Variants in GRIK2 observed in about 807,000 individuals in gnomAD.
GRIK2 encodes glutamate ionotropic receptor kainate type subunit 2, also known as glutamate receptor ionotropic, kainate 2.
Under a neutral mutation model 100.3 loss-of-function variants are expected in GRIK2, and 32 were observed. That is an observed-to-expected ratio of 0.32 (90% CI 0.24 to 0.43). The LOEUF (loss-of-function observed/expected upper bound fraction) is 0.43, where lower values mean the gene tolerates loss of function less well. Among genes scored for constraint, GRIK2 ranks in the 20% least tolerant of loss-of-function variants. GRIK2 has a pLI of 1.00. For synonymous variants in GRIK2, 417 were observed against 389.4 expected, an observed-to-expected ratio of 1.07 and a Z score of -0.83; for missense variants, 843 against 1,114.9, an observed-to-expected ratio of 0.76 and a Z score of 3.47.
chr6:101,833,662 C>A (rs1055123532), intron 10 of GRIK2, among the ~76,000 whole-genome samples: 1 of 151,876 alleles, frequency 6.6e-6, no homozygotes, highest in Non-Finnish European at 1.5e-5. Context: ...TTGTCATTAA[C>A]TTTCAAATTG....
At position 102,053,763 on chromosome 6, in the gene GRIK2, A is replaced by G. The variant is rs140615445; in HGVS notation, c.2312-1567A>G. The stretch of plus-strand genomic sequence containing the variant: ...GATTGGACAGACAGACAGATAATAG[A>G]TAGCCTCCATACAAAAAAGCTTGTA... On this transcript the variant is annotated intron_variant, in intron 15 of 16. Transcript: ENST00000369134. Among the ~76,000 whole-genome samples the G allele has an allele frequency of 7.2e-3, 1,089 of 152,270 alleles. 14 individuals carry two copies. Among genetic ancestry groups the G allele is most frequent in the African/African-American group, 0.025 (1,032 of 41,570 alleles).
chr6:101,701,735 TACTC>T (rs534641738), intron 7 of GRIK2, among the ~76,000 whole-genome samples: 4 of 152,106 alleles, frequency 2.6e-5, no homozygotes, highest in African/African-American at 4.8e-5. Flanking sequence ...ATATAGATAT[TACTC>T]ACTTTTAAAA....
At chr6:101,988,463 G>A (rs192612983) in intron 14 of GRIK2, among the ~76,000 whole-genome samples, 1 of 151,896 alleles carries the variant, frequency 6.6e-6, no homozygotes, top group Admixed American at 6.6e-5. Context: ...GCACAATACA[G>A]TGACAAAGAA....
intron 11 of GRIK2, among the ~76,000 whole-genome samples, chr6:101,865,898 G>GA (rs1158376485): frequency 1.7e-3 from 160 of 95,624 alleles, no homozygotes; most frequent in Middle Eastern, 6.3e-3. Flanking sequence ...CAAAAAAAAA[G>GA]AAAAAAAAAA....
At chr6:101,999,603 T>C (rs1356672675) in intron 14 of GRIK2, among the ~76,000 whole-genome samples, 3 of 152,108 alleles carry the variant, frequency 2.0e-5, no homozygotes, top group Non-Finnish European at 4.4e-5. Flanking sequence ...GATTTTTCTT[T>C]TTTTTGTAGA....
chr6:101,707,594 G>GTGTATATATATATATATATATA (rs1491149804), intron 7 of GRIK2, among the ~76,000 whole-genome samples: 1 of 106,140 alleles, frequency 9.4e-6, no homozygotes, highest in African/African-American at 3.8e-5. Context: ...GTGTGTGTGT[G>GTGTATATATATATATATATATA]TATATATGTG....
chr6:101,603,546 C>A (rs143761800), intron 2 of GRIK2, among the ~76,000 whole-genome samples: 1 of 151,616 alleles, frequency 6.6e-6, no homozygotes, highest in East Asian at 1.9e-4. Context: ...GGCTACTCTC[C>A]GCAAAGTCTG....
intron 2 of GRIK2, among the ~76,000 whole-genome samples, chr6:101,479,883 G>GT (rs772451833): frequency 2.0e-5 from 3 of 151,980 alleles, no homozygotes; most frequent in East Asian, 3.9e-4. Context: ...CTGTTTTAAG[G>GT]TTTTTTATTT....
intron 7 of GRIK2, among the ~76,000 whole-genome samples, chr6:101,732,152 T>A (rs1775314659): frequency 6.6e-6 from 1 of 151,978 alleles, no homozygotes; most frequent in South Asian, 2.1e-4. Flanking sequence ...TATATTTTGG[T>A]TATTCCTTTT....
At chr6:101,949,811 A>C (rs531335660) in intron 14 of GRIK2, among the ~76,000 whole-genome samples, 2 of 152,326 alleles carry the variant, frequency 1.3e-5, no homozygotes, top group South Asian at 4.1e-4. Context: ...GCTGCAATAA[A>C]CATGAGTGTA....
chr6:101,568,612 T>C (rs1025310580), intron 2 of GRIK2, among the ~76,000 whole-genome samples: 5 of 152,094 alleles, frequency 3.3e-5, no homozygotes, highest in African/African-American at 1.2e-4. Context: ...AATTTGAAGA[T>C]GTAAATGATG....
intron 7 of GRIK2, among the ~76,000 whole-genome samples, chr6:101,782,839 G>T (rs1583139115): frequency 6.9e-6 from 1 of 145,772 alleles, no homozygotes; most frequent in Non-Finnish European, 1.5e-5. Context: ...GTTTAGCTTT[G>T]TGTCCCCACT....
At chr6:101,509,722 AG>A (rs1380829925) in intron 2 of GRIK2, among the ~76,000 whole-genome samples, 1 of 152,180 alleles carries the variant, frequency 6.6e-6, no homozygotes, top group East Asian at 1.9e-4. Context: ...CAAAACATCA[AG>A]GGTATTCATA....
intron 14 of GRIK2, among the ~76,000 whole-genome samples, chr6:101,995,835 C>CTTAA (rs754170040): frequency 7.6e-4 from 116 of 151,886 alleles, no homozygotes; most frequent in Admixed American, 1.6e-3. Flanking sequence ...CATACCTATT[C>CTTAA]ACAAAATTGT....
intron 7 of GRIK2, among the ~76,000 whole-genome samples, chr6:101,749,556 C>G (rs145190534): frequency 1.5e-3 from 228 of 152,128 alleles, no homozygotes; most frequent in Admixed American, 4.8e-3. Context: ...ATGTGCGTTT[C>G]CTTCCTAAAA....
intron 7 of GRIK2, among the ~76,000 whole-genome samples, chr6:101,788,846 A>G (rs1339193036): frequency 1.3e-5 from 2 of 151,944 alleles, no homozygotes; most frequent in African/African-American, 2.4e-5. Flanking sequence ...AAGTGTTCCT[A>G]TTTCTCCACA....
At chr6:101,803,857 G>T (rs1345192045) in intron 9 of GRIK2, among the ~76,000 whole-genome samples, 1 of 151,792 alleles carries the variant, frequency 6.6e-6, no homozygotes, top group African/African-American at 2.4e-5. Context: ...TGAATATAAT[G>T]GTTATCAAGT....
At chr6:101,487,915 A>G (rs1772912675) in intron 2 of GRIK2, among the ~76,000 whole-genome samples, 1 of 146,402 alleles carries the variant, frequency 6.8e-6, no homozygotes, top group African/African-American at 2.6e-5. Flanking sequence ...TTATTTTATT[A>G]GCAGAAAAAA....
chr6:101,837,079 A>G (rs984157887), intron 10 of GRIK2, among the ~76,000 whole-genome samples: 4 of 152,148 alleles, frequency 2.6e-5, no homozygotes, highest in Non-Finnish European at 5.9e-5. Context: ...TTAACATGGT[A>G]ATTTCCTTTC....
Sources: gnomAD v4.1 joint callset for allele counts (sites outside exome capture counted in the v4.1 genomes callset) on GRCh38, gnomAD v4.1.1 for gene constraint, MANE v1.5 for transcripts, NCBI Gene and HGNC (gene_info 2026-07-23, HGNC 2026-07-21) for gene names.